CCDC73: variants seen among roughly 807,000 people sequenced by gnomAD.
The protein encoded by CCDC73 is coiled-coil domain-containing protein 73.
A neutral mutation model predicts 116.5 loss-of-function variants in CCDC73; 95 were observed. The ratio of observed to expected loss-of-function variants is 0.82; its 90% CI spans 0.69 to 0.97. CCDC73 has a LOEUF of 0.97. CCDC73 is among the 50% of genes least tolerant of loss of function. The pLI is 0.00. For missense variants in CCDC73, 1,066 were observed against 1,206.8 expected (o/e 0.88, Z 1.73); for synonymous variants, 398 against 401.3 (o/e 0.99, Z 0.10).
In CCDC73 at chr11:32,654,897, T is replaced by G. The variant is rs1297314620; in HGVS notation, c.721A>C (p.Asn241His). Residue 241 changes from asparagine to histidine, a missense_variant, in exon 10 of 18, where the codon AAT becomes CAT. Asn to His is a moderately conservative substitution (Grantham distance 68). Coordinates refer to ENST00000335185, the MANE Select transcript of CCDC73 (RefSeq NM_001008391.4). ...AATTTTTGTTCTTTAATTGTTAGAT[T>G]GATGTTTTCTTCTCCCATCTTATAT... The part of the protein sequence containing the change: ...CQYKMGEENI[N>H]LTIKEQKFQE... 2 of 1,602,878 alleles carry G rather than the reference T, an allele frequency of 1.2e-6. No individual in the cohort carries two copies. The highest frequency in any genetic ancestry group is 1.7e-6 in the Non-Finnish European group (2 of 1,175,864).
intron 1 of CCDC73, among the ~76,000 whole-genome samples, chr11:32,776,769 C>G (rs1483589210): frequency 6.6e-6 from 1 of 151,394 alleles, no homozygotes; most frequent in Non-Finnish European, 1.5e-5. Context: ...CTGTTTTACT[C>G]TTCTTTCATT....
intron 14 of CCDC73, among the ~76,000 whole-genome samples, chr11:32,635,397 T>C (rs529908521): frequency 6.6e-6 from 1 of 152,242 alleles, no homozygotes; most frequent in African/African-American, 2.4e-5. Context: ...AGTCCAGAAA[T>C]AGACCCATAT....
intron 14 of CCDC73, among the ~76,000 whole-genome samples, chr11:32,622,729 G>A (rs79496805): frequency 2.2e-3 from 312 of 141,256 alleles, no homozygotes; most frequent in African/African-American, 7.4e-3. Context: ...TGGGCGGGGT[G>A]GGGGGGAATG....
At chr11:32,787,801 T>G (rs1278109088) in intron 1 of CCDC73, among the ~76,000 whole-genome samples, 1 of 152,166 alleles carries the variant, frequency 6.6e-6, no homozygotes, top group Non-Finnish European at 1.5e-5. Flanking sequence ...AATCAAAATA[T>G]GATCTAAAAA....
chr11:32,706,384 T>C (rs1849856311), intron 3 of CCDC73, among the ~76,000 whole-genome samples: 1 of 152,064 alleles, frequency 6.6e-6, no homozygotes, highest in Non-Finnish European at 1.5e-5. Context: ...CAAATCTACA[T>C]CTTCAAAAAA....
At chr11:32,641,154 T>C (rs1855729604) in intron 13 of CCDC73, among the ~76,000 whole-genome samples, 1 of 152,202 alleles carries the variant, frequency 6.6e-6, no homozygotes, top group African/African-American at 2.4e-5. Flanking sequence ...TAGATATCCA[T>C]TACTATAATA....
At chr11:32,671,527 A>G (rs1164869511) in intron 9 of CCDC73, among the ~76,000 whole-genome samples, 14 of 152,236 alleles carry the variant, frequency 9.2e-5, no homozygotes, top group Non-Finnish European at 1.3e-4. Context: ...GAAGTTTTAA[A>G]TAAGTGATAT....
chr11:32,807,636 G>C, the CCDC73 span, among the ~76,000 whole-genome samples: 1 of 150,590 alleles, frequency 6.6e-6, no homozygotes, highest in African/African-American at 2.4e-5. Context: ...TAGTGTTAGT[G>C]TGTTTTATGT....
intron 1 of CCDC73, among the ~76,000 whole-genome samples, chr11:32,793,162 A>G (rs907766868): frequency 6.6e-6 from 1 of 152,236 alleles, no homozygotes; most frequent in Non-Finnish European, 1.5e-5. Context: ...AAGCTGCATT[A>G]ACACACTTTA....
At chr11:32,737,738 T>C (rs1022658227) in intron 2 of CCDC73, among the ~76,000 whole-genome samples, 6 of 152,164 alleles carry the variant, frequency 3.9e-5, no homozygotes, top group Non-Finnish European at 7.4e-5. Flanking sequence ...ACAACTAAAT[T>C]ATTAGACTAT....
At chr11:32,675,701 G>A (rs1359065700) in intron 8 of CCDC73, 57 bp from the exon 9 acceptor site, 2 of 1,381,534 alleles carry the variant, frequency 1.4e-6, no homozygotes, top group African/African-American at 1.5e-5. Context: ...TTCAAAGAAA[G>A]TATCATTAAG....
chr11:32,648,302 C>T (rs1166967858), intron 12 of CCDC73, among the ~76,000 whole-genome samples: 1 of 152,164 alleles, frequency 6.6e-6, no homozygotes, highest in Non-Finnish European at 1.5e-5. Flanking sequence ...CTGTTTCCTC[C>T]CCATTTCCTT....
intron 9 of CCDC73, among the ~76,000 whole-genome samples, chr11:32,666,244 C>G (rs1422347188): frequency 6.6e-6 from 1 of 152,116 alleles, no homozygotes; most frequent in Non-Finnish European, 1.5e-5. Context: ...GGATAATACC[C>G]TGCTGAGTGG....
At chr11:32,607,185 C>T (rs934562941) in intron 17 of CCDC73, among the ~76,000 whole-genome samples, 18 of 141,898 alleles carry the variant, frequency 1.3e-4, no homozygotes, top group African/African-American at 2.3e-4. Context: ...CTCCGCCTCC[C>T]GGGTTCACGC....
At chr11:32,800,069 A>G in the CCDC73 span, among the ~76,000 whole-genome samples, 1 of 152,214 alleles carries the variant, frequency 6.6e-6, no homozygotes, top group African/African-American at 2.4e-5. Flanking sequence ...TGATAGCACC[A>G]CAAACTGTAG....
intron 3 of CCDC73, among the ~76,000 whole-genome samples, chr11:32,705,049 G>T (rs1185854200): frequency 6.6e-6 from 1 of 152,226 alleles, no homozygotes; most frequent in Non-Finnish European, 1.5e-5. Context: ...TTGCCAAGCT[G>T]CAGGTGGGAG....
At chr11:32,714,209 A>T (rs1590608958) in intron 3 of CCDC73, among the ~76,000 whole-genome samples, 2 of 152,182 alleles carry the variant, frequency 1.3e-5, no homozygotes, top group East Asian at 3.9e-4. Context: ...ACTGTATCTG[A>T]CACTCTTAAA....
chr11:32,829,714 C>T, the CCDC73 span: 4 of 948,898 alleles, frequency 4.2e-6, no homozygotes, highest in Non-Finnish European at 5.0e-6. Flanking sequence ...AGACACAAAT[C>T]GAAAAGCAGC....
At position 32,699,266 on chromosome 11, in the gene CCDC73, T is replaced by A. The variant is rs758231330; in HGVS notation, c.375A>T (p.Thr125=). The change falls in exon 6 of 18, where the codon ACA becomes ACT. Residue 125 remains threonine, a synonymous_variant. Coordinates refer to ENST00000335185, the MANE Select transcript of CCDC73 (RefSeq NM_001008391.4). ...TTATTTTTACCTGTAGTGCTTTTAATGTTTCCTTCAATCCTTCTATTTCTT... is the reference window on the plus strand; with the variant it reads ...TTATTTTTACCTGTAGTGCTTTTAAAGTTTCCTTCAATCCTTCTATTTCTT... ...KEKEIEGLKE[T]LKALQVSKYS... The A allele has an allele frequency of 1.9e-6, 3 of 1,583,174 alleles. No individual in the cohort carries two copies. The Admixed American group carries it at 5.2e-5, about 27-fold the overall frequency.
Sources: gnomAD v4.1 joint callset for allele counts (sites outside exome capture counted in the v4.1 genomes callset) on GRCh38, gnomAD v4.1.1 for gene constraint, MANE v1.5 for transcripts, NCBI Gene and HGNC (gene_info 2026-07-23, HGNC 2026-07-21) for gene names.